The following TDRP variants were observed in gnomAD, a reference collection of about 807,000 sequenced individuals.
TDRP encodes the protein testis development related protein.
A neutral mutation model predicts 10.5 loss-of-function variants in TDRP; 12 were observed. The observed-to-expected ratio is 1.15, with a 90% confidence interval of 0.73 to 1.86. The LOEUF is 1.86. Among genes scored for constraint, TDRP ranks in the 40% most tolerant of loss-of-function variants. TDRP has a pLI of 0.00. For synonymous variants in TDRP, 139 were observed against 95.4 expected (o/e 1.46, Z -2.67); for missense variants, 353 against 229.2 (o/e 1.54, Z -3.49).
chr8:498,951 G>C (rs374002766), intron 1 of TDRP, among the ~76,000 whole-genome samples: 1 of 151,912 alleles, frequency 6.6e-6, no homozygotes, highest in Non-Finnish European at 1.5e-5. Flanking sequence ...ACCTCCTTAC[G>C]TAAGTTTCCT....
intron 1 of TDRP, among the ~76,000 whole-genome samples, chr8:513,313 T>C (rs547697255): frequency 2.2e-4 from 34 of 152,176 alleles, no homozygotes; most frequent in African/African-American, 7.5e-4. Flanking sequence ...AAAAGAATTA[T>C]GTACCATAAT....
At chr8:527,376 T>C (rs189096496) in intron 1 of TDRP, among the ~76,000 whole-genome samples, 115 of 152,070 alleles carry the variant, frequency 7.6e-4, no homozygotes, top group Middle Eastern at 3.4e-3. Flanking sequence ...ATCCCATTCA[T>C]ACCAATGACA....
chr8:531,683 T>TGGAATA (rs2116856196), intron 1 of TDRP, among the ~76,000 whole-genome samples: 2 of 152,362 alleles, frequency 1.3e-5, no homozygotes, highest in East Asian at 3.9e-4. Context: ...CAAACAAATG[T>TGGAATA]CTGAGTTATA....
At chr8:517,065 G>C (rs936872174) in intron 1 of TDRP, among the ~76,000 whole-genome samples, 3 of 152,148 alleles carry the variant, frequency 2.0e-5, no homozygotes, top group Non-Finnish European at 4.4e-5. Flanking sequence ...GCCGTGATGG[G>C]AAGGAGGAAG....
intron 1 of TDRP, among the ~76,000 whole-genome samples, chr8:514,829 T>C (rs1313890802): frequency 3.3e-5 from 5 of 151,992 alleles, no homozygotes; most frequent in Non-Finnish European, 4.4e-5. Flanking sequence ...CTCAGCCTCC[T>C]CCCACCCTGG....
At chr8:506,618 G>A (rs572097650) in intron 1 of TDRP, among the ~76,000 whole-genome samples, 1 of 152,320 alleles carries the variant, frequency 6.6e-6, no homozygotes, top group African/African-American at 2.4e-5. Flanking sequence ...CACCCCAGGA[G>A]AAGCAAGCTG....
intron 2 of TDRP, among the ~76,000 whole-genome samples, chr8:493,984 A>ATTTCTGTTGTTTT (rs1031840550): frequency 2.8e-5 from 3 of 105,760 alleles, no homozygotes; most frequent in Non-Finnish European, 3.8e-5. Context: ...ACCACAACTC[A>ATTTCTGTTGTTTT]TTTCTGTTGT....
At chr8:535,217 C>T (rs1018032057) in intron 1 of TDRP, among the ~76,000 whole-genome samples, 1 of 152,148 alleles carries the variant, frequency 6.6e-6, no homozygotes, top group East Asian at 1.9e-4. Flanking sequence ...AACTGGTCTG[C>T]GGGCTGTCCA....
intron 1 of TDRP, among the ~76,000 whole-genome samples, chr8:498,096 G>A (rs796142885): frequency 4.0e-4 from 61 of 152,288 alleles, no homozygotes; most frequent in African/African-American, 1.3e-3. Flanking sequence ...GGGAAATGTG[G>A]GGTTGCAACC....
intron 1 of TDRP, 42 bp downstream of exon 1, chr8:544,608 G>A (rs1168835801): frequency 3.3e-6 from 4 of 1,200,052 alleles, no homozygotes; most frequent in South Asian, 4.1e-5. Flanking sequence ...CCACCTGCGC[G>A]CCCCCGGCCT....
At chr8:520,634 T>C (rs1418006224) in intron 1 of TDRP, among the ~76,000 whole-genome samples, 1 of 152,236 alleles carries the variant, frequency 6.6e-6, no homozygotes, top group African/African-American at 2.4e-5. Flanking sequence ...ATTGTAGCCA[T>C]ACTAATGGTT....
chr8:528,394 A>ATTT (rs1439660977), intron 1 of TDRP, among the ~76,000 whole-genome samples: 2 of 131,074 alleles, frequency 1.5e-5, no homozygotes, highest in African/African-American at 5.3e-5. Context: ...AGGATCCAGC[A>ATTT]ATCCCACTGC....
chr8:500,149 G>C (rs1407069940), intron 1 of TDRP, among the ~76,000 whole-genome samples: 1 of 152,162 alleles, frequency 6.6e-6, no homozygotes, highest in African/African-American at 2.4e-5. Context: ...GAGAAAGTAA[G>C]TTCCTGCACA....
intron 1 of TDRP, among the ~76,000 whole-genome samples, chr8:529,525 C>G (rs1802127892): frequency 6.6e-6 from 1 of 152,054 alleles, no homozygotes; most frequent in South Asian, 2.1e-4. Context: ...TTCAAAGAAT[C>G]TCTTTAGCAT....
chr8:512,778 C>T (rs1166198380), intron 1 of TDRP, among the ~76,000 whole-genome samples: 3 of 152,090 alleles, frequency 2.0e-5, no homozygotes, highest in South Asian at 2.1e-4. Flanking sequence ...AATTTGAGAA[C>T]AGCCTGGCCA....
chr8:520,856 T>A (rs543093208), intron 1 of TDRP, among the ~76,000 whole-genome samples: 3 of 152,322 alleles, frequency 2.0e-5, no homozygotes, highest in East Asian at 3.9e-4. Flanking sequence ...ATTAGAGATA[T>A]GGCTGAGAAA....
intron 1 of TDRP, among the ~76,000 whole-genome samples, chr8:498,852 T>A (rs989527951): frequency 8.6e-5 from 13 of 150,886 alleles, no homozygotes; most frequent in African/African-American, 3.2e-4. Flanking sequence ...TCTCACAAGA[T>A]CTGATCATTT....
At chr8:504,964 G>C (rs561956751) in intron 1 of TDRP, among the ~76,000 whole-genome samples, 5 of 152,146 alleles carry the variant, frequency 3.3e-5, no homozygotes, top group Non-Finnish European at 7.4e-5. Flanking sequence ...CAGGGAAAGG[G>C]AACTTTTACT....
At chr8:500,849 G>C (rs1000270565) in intron 1 of TDRP, among the ~76,000 whole-genome samples, 17 of 152,280 alleles carry the variant, frequency 1.1e-4, no homozygotes, top group African/African-American at 2.9e-4. Context: ...AGTAATGTGG[G>C]CAAGACCAGG....
Sources: allele counts gnomAD v4.1 joint callset (sites outside exome capture counted in the v4.1 genomes callset), GRCh38; gene constraint gnomAD v4.1.1; transcripts MANE v1.5; gene names NCBI Gene and HGNC (gene_info 2026-07-23, HGNC 2026-07-21).